SVOPL: variants seen among roughly 807,000 people sequenced by gnomAD.
SVOPL encodes SVOP like.
SVOPL carries 60 observed loss-of-function variants against 61.0 expected under a neutral mutation model. That is an observed-to-expected ratio of 0.98 (90% CI 0.80 to 1.22). SVOPL has a LOEUF of 1.22. Ranked by LOEUF, SVOPL falls within the 50% of genes most tolerant of loss-of-function variation. The probability of loss-of-function intolerance (pLI) is 0.00; values close to 1 mark genes in which losing one functional copy is unlikely to be tolerated. For missense variants in SVOPL, 662 were observed against 643.9 expected (o/e 1.03, Z -0.30); for synonymous variants, 279 against 250.0 (o/e 1.12, Z -1.09).
In SVOPL at chr7:138,649,001, T is replaced by C. The variant is rs374200485; in HGVS notation, c.660+11A>G. The stretch of plus-strand genomic sequence containing the variant: ...GGAGGGGACAGGAAGGAGCCACAAG[T>C]GCTTCCCCACCTTGAAGGCCACGAT... On this transcript the variant is annotated intron_variant, in intron 8 of 15. Transcript: ENST00000674285. 57 of 1,613,476 alleles carry C rather than the reference T, an allele frequency of 3.5e-5. No individual in the cohort carries two copies. The African/African-American group carries it at 7.2e-4, about 20-fold the overall frequency.
rs559943821 is a variant in SVOPL, at chr7:138,621,176, C to T, written c.1264-41G>A. ...CGGAAAGTACCAGTCAGATAATGTC[C>T]GTCCTTCCCCGAGCCCTCCTCTTCC... On this transcript the variant is annotated intron_variant, in intron 13 of 15. Transcript: ENST00000674285. 8.3e-5 allele frequency: 130 copies of T among 1,568,392 alleles called. No homozygotes were observed. In the East Asian group the frequency reaches 2.8e-3, roughly 34 times the overall value.
rs1799690658 is a variant in SVOPL, at chr7:138,622,254, GTATCTATCTATCTATGTATCTATC to G, written c.1264-1143_1264-1120del. ...TCTATGTATCTATCTATCTATCTAT[GTATCTATCTATCTATGTATCTATC>G]TATCTATCTATCTATCTATCTATCT... On this transcript the variant is annotated intron_variant, in intron 13 of 15. Transcript: ENST00000674285. 4.6e-3 allele frequency among the ~76,000 whole-genome samples: 244 copies of G among 52,940 alleles called. 3 individuals carry two copies. The highest frequency in any genetic ancestry group is 0.014 in the African/African-American group (222 of 15,604). The allele number at this position is 52,940 out of a possible 152,430, so 34.7% of individuals were successfully genotyped here.
chr7:138,637,427 C>CATATATATATAT (rs377328822), intron 9 of SVOPL, among the ~76,000 whole-genome samples: 7 of 71,430 alleles, frequency 9.8e-5, no homozygotes, highest in Admixed American at 3.1e-4. Flanking sequence ...GACTCCATCT[C>CATATATATATAT]ATATATATAT....
Position 138,678,475 on chromosome 7 carries a change from G to GT in SVOPL, c.132_133insA (p.Arg45ThrfsTer17), listed in dbSNP as rs1417428264. The GT allele has an allele frequency of 1.3e-6, 2 of 1,551,786 alleles. No individual in the cohort carries two copies. The highest frequency in any genetic ancestry group is 1.7e-6 in the Non-Finnish European group (2 of 1,147,014). Reference sequence around the variant, plus strand: ...ATCAGAAAGAGGGCAATGTGGAAACGCCCGAAGCCGATAGTCTCCACTGCA... The same window carrying GT: ...ATCAGAAAGAGGGCAATGTGGAAACGTCCCGAAGCCGATAGTCTCCACTGCA... On this transcript the variant is annotated frameshift_variant, in exon 3 of 16. Coordinates refer to ENST00000674285, the MANE Select transcript of SVOPL (RefSeq NM_001139456.2). LOFTEE classifies it high-confidence loss of function.
chr7:138,661,748 T>TA (rs945191653), intron 5 of SVOPL: 2 of 877,620 alleles, frequency 2.3e-6, no homozygotes, highest in Non-Finnish European at 2.7e-6. Context: ...TCTCCTCCTT[T>TA]AAAAAACCCA....
At chr7:138,604,440 A>G (rs571069245) in intron 14 of SVOPL, among the ~76,000 whole-genome samples, 87 of 152,064 alleles carry the variant, frequency 5.7e-4, no homozygotes, top group African/African-American at 2.0e-3. Context: ...TTGGGAGGCC[A>G]AGGCGGGAGG....
At chr7:138,652,915 C>T (rs1044267932) in intron 7 of SVOPL, among the ~76,000 whole-genome samples, 46 of 152,122 alleles carry the variant, frequency 3.0e-4, no homozygotes, top group African/African-American at 1.0e-3. Context: ...CGTGAGCCAC[C>T]GCTCCCAGCA....
At chr7:138,678,561 T>C in intron 2 of SVOPL, 36 bp from the exon 3 acceptor site, 2 of 1,547,512 alleles carry the variant, frequency 1.3e-6, no homozygotes, top group Non-Finnish European at 1.7e-6. Flanking sequence ...AAATTGCTTC[T>C]GCAGGGAAGG....
At chr7:138,660,495 G>T (rs1801955847) in intron 5 of SVOPL, 16 of 985,932 alleles carry the variant, frequency 1.6e-5, no homozygotes, top group Non-Finnish European at 1.8e-5. Flanking sequence ...CTCTGTTTAT[G>T]AGAGAAAACG....
chr7:138,605,057 G>C (rs1798692978), intron 14 of SVOPL, among the ~76,000 whole-genome samples: 1 of 151,106 alleles, frequency 6.6e-6, no homozygotes, highest in East Asian at 1.9e-4. Context: ...CTCTAAAAAA[G>C]AGAAAAAAAT....
chr7:138,646,087 T>A (rs1801093908), intron 8 of SVOPL: 1 of 181,962 alleles, frequency 5.5e-6, no homozygotes, highest in East Asian at 1.7e-4. Flanking sequence ...GTGCTGGGAT[T>A]ACAGGCGTGA....
At chr7:138,634,331 C>T (rs1430958331) in intron 9 of SVOPL, among the ~76,000 whole-genome samples, 1 of 151,968 alleles carries the variant, frequency 6.6e-6, no homozygotes, top group Non-Finnish European at 1.5e-5. Context: ...CATAGCAAGA[C>T]CTCATCTCTA....
chr7:138,669,308 T>A, intron 4 of SVOPL, among the ~76,000 whole-genome samples: 1 of 152,064 alleles, frequency 6.6e-6, no homozygotes, highest in East Asian at 1.9e-4. Context: ...CTCAGGAAGC[T>A]AAGGCAAGAG....
At chr7:138,594,910 C>CTG (rs1031286708) in intron 15 of SVOPL, among the ~76,000 whole-genome samples, 1 of 151,206 alleles carries the variant, frequency 6.6e-6, no homozygotes, top group East Asian at 1.9e-4. Flanking sequence ...ACGTGTGTGT[C>CTG]TGTGTATATA....
chr7:138,622,644 C>A (rs887298234), intron 13 of SVOPL, among the ~76,000 whole-genome samples: 2 of 151,448 alleles, frequency 1.3e-5, no homozygotes, highest in African/African-American at 4.9e-5. Context: ...TTTTATTTTA[C>A]AGAAACAAGA....
chr7:138,616,961 A>C lies in SVOPL; in HGVS notation c.1353+4085T>G, dbSNP rs190218071. 1.8e-4 allele frequency among the ~76,000 whole-genome samples: 28 copies of C among 152,034 alleles called. No individual in the cohort carries two copies. The East Asian group carries it at 4.3e-3, about 23-fold the overall frequency. On this transcript the variant is annotated intron_variant, in intron 14 of 15. Coordinates refer to ENST00000674285, the MANE Select transcript of SVOPL (RefSeq NM_001139456.2). Reference sequence around the variant, plus strand: ...GCCATCATGCCTGGCTGGAACATTCAATTAATTAATTTATTTATTTATTCT... The same window carrying C: ...GCCATCATGCCTGGCTGGAACATTCCATTAATTAATTTATTTATTTATTCT...
At chr7:138,688,024 A>G (rs1460720886) in intron 1 of SVOPL, among the ~76,000 whole-genome samples, 1 of 152,060 alleles carries the variant, frequency 6.6e-6, no homozygotes, top group Non-Finnish European at 1.5e-5. Context: ...GATGGTCTCG[A>G]TCTCTTGACC....
intron 13 of SVOPL, 28 bp downstream of exon 13, chr7:138,625,941 T>G: frequency 6.2e-7 from 1 of 1,613,176 alleles, no homozygotes; most frequent in Non-Finnish European, 8.5e-7. Context: ...ACACACCCTT[T>G]GTAAGCAAGC....
chr7:138,657,140 T>TTATG (rs1212374372), intron 6 of SVOPL, among the ~76,000 whole-genome samples: 12 of 81,430 alleles, frequency 1.5e-4, no homozygotes, highest in African/African-American at 3.0e-4. Context: ...ATTTGTTTAT[T>TTATG]TATTTATTTA....
Sources: gnomAD v4.1 joint callset for allele counts (sites outside exome capture counted in the v4.1 genomes callset) on GRCh38, gnomAD v4.1.1 for gene constraint, MANE v1.5 for transcripts, NCBI Gene and HGNC (gene_info 2026-07-23, HGNC 2026-07-21) for gene names.